The following KIF13B variants were observed in gnomAD, a reference collection of about 807,000 sequenced individuals.
KIF13B encodes kinesin-like protein KIF13B.
In KIF13B, 127 loss-of-function variants were observed where a neutral mutation model predicts 222.0. The ratio of observed to expected loss-of-function variants is 0.57; its 90% CI spans 0.50 to 0.66. The LOEUF (loss-of-function observed/expected upper bound fraction) is 0.66, where lower values mean the gene tolerates loss of function less well. Ranked by LOEUF, KIF13B falls within the 30% of genes least tolerant of loss-of-function variation. The pLI is 0.00. For synonymous variants in KIF13B, 976 were observed against 919.0 expected (o/e 1.06, Z -1.12); for missense variants, 2,173 against 2,379.0 (o/e 0.91, Z 1.80).
intron 2 of KIF13B, among the ~76,000 whole-genome samples, chr8:29,205,188 CAA>C (rs1447124943): frequency 1.0e-5 from 1 of 97,846 alleles, no homozygotes; most frequent in Non-Finnish European, 2.7e-5. Context: ...ACCCTGTCAC[CAA>C]AAAAGTTTTT....
At position 29,072,267 on chromosome 8, in the gene KIF13B, G is replaced by A. The variant is rs1157734865; in HGVS notation, c.4571C>T (p.Pro1524Leu). The A allele has an allele frequency of 8.8e-6, 13 of 1,470,214 alleles. No homozygotes were observed. Among genetic ancestry groups the A allele is most frequent in the Middle Eastern group, 2.0e-4 (1 of 5,076 alleles). The allele number at this position is 1,470,214 out of a possible 1,614,324, so 91.1% of individuals were successfully genotyped here. ...PDVLVQTMGA[P>L]ALKICDKPAK... The stretch of plus-strand genomic sequence containing the variant: ...AGGTTTGTCGCAGATCTTCAAGGCC[G>A]GGGCCCCCATCGTCTGCACCAGCAC... Residue 1524 changes from proline to leucine, a missense_variant, in exon 39 of 40, where the codon CCG (proline) becomes CTG (leucine). Coordinates refer to ENST00000524189, the MANE Select transcript of KIF13B (RefSeq NM_015254.4).
rs148531473 is a variant in KIF13B, at chr8:29,176,137, A to G, written c.876T>C (p.Asp292=). The G allele has an allele frequency of 6.9e-3, 11,122 of 1,613,736 alleles. 65 individuals carry two copies. Among genetic ancestry groups the G allele is most frequent in the Non-Finnish European group, 7.6e-3 (8,967 of 1,179,684 alleles). ...TATTCTTGTTTTTGCCAGCACTCTG[A>G]TCTGCAAGAGCTGAGATAACCAGAC... ...TLGLVISALA[D]QSAGKNKNKF... The change falls in exon 10 of 40, where the codon GAT becomes GAC. Residue 292 remains aspartate, a synonymous_variant. Transcript: ENST00000524189.
intron 12 of KIF13B, among the ~76,000 whole-genome samples, chr8:29,164,006 T>C (rs1207587645): frequency 6.6e-6 from 1 of 152,212 alleles, no homozygotes; most frequent in Admixed American, 6.5e-5. Context: ...TCTATAATTT[T>C]AGGGATATGC....
At chr8:29,132,108 G>A (rs1427283771) in intron 23 of KIF13B, among the ~76,000 whole-genome samples, 200 bp downstream of exon 23, 7 of 152,102 alleles carry the variant, frequency 4.6e-5, no homozygotes, top group Non-Finnish European at 7.4e-5. Flanking sequence ...TTAGCCAGGC[G>A]TGGTGTGCAT....
Position 29,260,006 on chromosome 8 carries a change from TTTTTTC to T in KIF13B, c.55+2968_55+2973del, listed in dbSNP as rs376445251. On this transcript the variant is annotated intron_variant, in intron 1 of 39. Transcript: ENST00000524189. The stretch of plus-strand genomic sequence containing the variant: ...GTTAGGATGAAGAAAGTATGTGAAC[TTTTTTC>T]TTTTTCTTTTTCCTTTTGTTAGTGG... Among the ~76,000 whole-genome samples the T allele has an allele frequency of 2.4e-4, 36 of 152,326 alleles. No homozygotes were observed. The Middle Eastern group carries it at 0.014, about 58-fold the overall frequency.
intron 22 of KIF13B, among the ~76,000 whole-genome samples, chr8:29,133,249 ATTTG>A (rs1243035883): frequency 1.2e-4 from 19 of 152,298 alleles, no homozygotes; most frequent in African/African-American, 4.1e-4. Flanking sequence ...GACCTCTCTG[ATTTG>A]TTTGTGTTTT....
chr8:29,140,374 G>A (rs1425754171), intron 20 of KIF13B, 94 bp downstream of exon 20: 24 of 1,435,340 alleles, frequency 1.7e-5, no homozygotes, highest in African/African-American at 7.1e-5. Flanking sequence ...AATAAGACAC[G>A]TTACTGACAA....
intron 2 of KIF13B, among the ~76,000 whole-genome samples, chr8:29,198,046 T>A (rs1472185976): frequency 2.0e-5 from 3 of 152,254 alleles, no homozygotes; most frequent in African/African-American, 7.2e-5. Context: ...CTCCTGAGAT[T>A]TTCTTCTAAA....
At chr8:29,126,406 T>A (rs577799282) in intron 26 of KIF13B, 76 bp downstream of exon 26, 1 of 954,664 alleles carries the variant, frequency 1.0e-6, no homozygotes. Flanking sequence ...AATAACAGTA[T>A]AGCCAGATCC....
intron 10 of KIF13B, among the ~76,000 whole-genome samples, chr8:29,171,316 G>A (rs565582700): frequency 6.0e-4 from 92 of 152,140 alleles, no homozygotes; most frequent in Non-Finnish European, 1.2e-3. Flanking sequence ...TGGGAGAAGA[G>A]CACTCACATC....
Position 29,188,539 on chromosome 8 carries a change from A to C in KIF13B, c.292T>G (p.Cys98Gly), listed in dbSNP as rs771331059. 1.9e-6 allele frequency: 3 copies of C among 1,609,788 alleles called. No homozygotes were observed. Among genetic ancestry groups the C allele is most frequent in the Non-Finnish European group, 2.5e-6 (3 of 1,176,496 alleles). ...LQNAFDGYNA[C>G]IFAYGQTGSG... is the part of the protein sequence containing the mutation. The stretch of plus-strand genomic sequence containing the variant: ...CCAGTCTGTCCATAGGCAAAGATAC[A>C]TGCATTGTAGCCATCAAAAGCATTC... The change falls in exon 5 of 40, where the codon TGT becomes GGT. Residue 98 changes from cysteine (C) to glycine (G), a missense_variant. Physicochemically the swap from Cys to Gly is radical, Grantham distance 159. Around this residue, in one of 2 missense-constraint regions of KIF13B, gnomAD observed 1,480 missense variants for 1,722.8 expected, o/e 0.86. Transcript: ENST00000524189.
At chr8:29,096,434 G>A (rs1471495504) in intron 36 of KIF13B, among the ~76,000 whole-genome samples, 1 of 151,246 alleles carries the variant, frequency 6.6e-6, no homozygotes, top group Non-Finnish European at 1.5e-5. Context: ...TGAGTAGAGG[G>A]ACTACAAGTG....
At chr8:29,229,145 C>T (rs1388162582) in intron 2 of KIF13B, among the ~76,000 whole-genome samples, 1 of 148,770 alleles carries the variant, frequency 6.7e-6, no homozygotes, top group African/African-American at 2.5e-5. Flanking sequence ...TATCAGGACA[C>T]CCTTCTGGAG....
chr8:29,263,077 G>A, upstream of KIF13B: 1 of 1,478,182 alleles, frequency 6.8e-7, no homozygotes, highest in Non-Finnish European at 9.1e-7. Context: ...GTCTGCCGCG[G>A]CCACCGGCGA....
intron 2 of KIF13B, among the ~76,000 whole-genome samples, chr8:29,240,219 A>C (rs1376722332): frequency 6.6e-6 from 1 of 151,830 alleles, no homozygotes; most frequent in Non-Finnish European, 1.5e-5. Context: ...CTGGCCTTTC[A>C]CTAGAAAAAG....
intron 13 of KIF13B, among the ~76,000 whole-genome samples, chr8:29,159,482 A>G (rs1811678631): frequency 6.6e-6 from 1 of 152,180 alleles, no homozygotes; most frequent in South Asian, 2.1e-4. Flanking sequence ...GGCAAGGATA[A>G]TATGTGTATA....
chr8:29,095,772 AAAC>A (rs1808494137), intron 36 of KIF13B, among the ~76,000 whole-genome samples: 1 of 151,802 alleles, frequency 6.6e-6, no homozygotes, highest in African/African-American at 2.4e-5. Context: ...CATCTCAAAA[AAAC>A]AAAACAAAAC....
intron 2 of KIF13B, among the ~76,000 whole-genome samples, chr8:29,233,188 C>A (rs781202192): frequency 2.5e-4 from 38 of 152,052 alleles, no homozygotes; most frequent in Non-Finnish European, 4.1e-4. Context: ...CATATGACAC[C>A]AAAATTCCAT....
chr8:29,244,583 C>T (rs1033639531), intron 2 of KIF13B, among the ~76,000 whole-genome samples: 1 of 152,174 alleles, frequency 6.6e-6, no homozygotes, highest in Non-Finnish European at 1.5e-5. Context: ...TCATAATACT[C>T]AAAAACTGCC....
Sources: allele counts gnomAD v4.1 joint callset (sites outside exome capture counted in the v4.1 genomes callset), GRCh38; gene constraint gnomAD v4.1.1; regional missense constraint gnomAD v4.1.1; transcripts MANE v1.5; gene names NCBI Gene and HGNC (gene_info 2026-07-23, HGNC 2026-07-21).